GRID2: variants seen among roughly 807,000 people sequenced by gnomAD.
GRID2 encodes the protein glutamate ionotropic receptor delta type subunit 2.
A neutral mutation model predicts 114.8 loss-of-function variants in GRID2; 33 were observed. The observed-to-expected ratio is 0.29, with a 90% CI of 0.22 to 0.38. GRID2 has a LOEUF of 0.38. Ranked by LOEUF, GRID2 falls within the 10% of genes least tolerant of loss-of-function variation. GRID2 has a pLI of 1.00. For synonymous variants in GRID2, 505 were observed against 449.9 expected (o/e 1.12, Z -1.55); for missense variants, 1,184 against 1,257.7 (o/e 0.94, Z 0.89).
intron 8 of GRID2, among the ~76,000 whole-genome samples, chr4:93,333,360 C>G (rs769493608): frequency 5.3e-5 from 8 of 152,118 alleles, no homozygotes; most frequent in Admixed American, 1.3e-4. Context: ...TTAACAAGTT[C>G]CAAAGGATTT....
intron 4 of GRID2, among the ~76,000 whole-genome samples, chr4:93,172,912 T>G (rs1425024484): frequency 6.8e-6 from 1 of 146,286 alleles, no homozygotes; most frequent in African/African-American, 2.5e-5. Context: ...CATCTTAAAC[T>G]TTTTTTTTTT....
chr4:92,731,600 G>GTATAGTATAGTATTACTA (rs1736331256), intron 2 of GRID2, among the ~76,000 whole-genome samples: 1 of 151,826 alleles, frequency 6.6e-6, no homozygotes, highest in Non-Finnish European at 1.5e-5. Flanking sequence ...TTTGGTGTTA[G>GTATAGTATAGTATTACTA]CCTAAGTAGT....
At chr4:92,356,333 T>C (rs1201152222) in intron 1 of GRID2, among the ~76,000 whole-genome samples, 1 of 151,492 alleles carries the variant, frequency 6.6e-6, no homozygotes, top group Non-Finnish European at 1.5e-5. Context: ...CTATTTTAAG[T>C]GCAAAACAAA....
chr4:93,726,034 G>C (rs1729850236), intron 14 of GRID2, among the ~76,000 whole-genome samples: 1 of 152,154 alleles, frequency 6.6e-6, no homozygotes, highest in Admixed American at 6.5e-5. Context: ...ATTGCTTTTG[G>C]TGTTTTAGAT....
At chr4:92,719,554 G>C (rs140698120) in intron 2 of GRID2, among the ~76,000 whole-genome samples, 8 of 152,122 alleles carry the variant, frequency 5.3e-5, no homozygotes, top group African/African-American at 1.9e-4. Context: ...AATTTCAAAA[G>C]AACAGAAAGT....
At chr4:93,073,726 G>T (rs115604190) in intron 2 of GRID2, among the ~76,000 whole-genome samples, 1 of 152,144 alleles carries the variant, frequency 6.6e-6, no homozygotes, top group Non-Finnish European at 1.5e-5. Flanking sequence ...AGACTCCTGG[G>T]AGCTGGTCAG....
intron 13 of GRID2, among the ~76,000 whole-genome samples, chr4:93,573,206 A>G (rs2149583101): frequency 6.6e-6 from 1 of 152,304 alleles, no homozygotes; most frequent in South Asian, 2.1e-4. Context: ...GACTTTGCAC[A>G]TATCCCATTA....
intron 2 of GRID2, among the ~76,000 whole-genome samples, chr4:92,778,092 C>T (rs774188035): frequency 6.6e-6 from 1 of 152,112 alleles, no homozygotes; most frequent in Non-Finnish European, 1.5e-5. Context: ...AAGCAGAGGA[C>T]TGCCCTACAT....
intron 14 of GRID2, among the ~76,000 whole-genome samples, chr4:93,656,851 AAAAAAAC>A (rs1241322802): frequency 2.0e-5 from 3 of 148,218 alleles, no homozygotes; most frequent in Non-Finnish European, 3.0e-5. Flanking sequence ...AAAAAAAAAA[AAAAAAAC>A]AAATAATTCC....
At chr4:93,491,421 A>G (rs970191631) in intron 12 of GRID2, among the ~76,000 whole-genome samples, 2 of 151,962 alleles carry the variant, frequency 1.3e-5, no homozygotes, top group East Asian at 3.9e-4. Context: ...CAGTGTCTCA[A>G]TTCACAAATG....
intron 8 of GRID2, among the ~76,000 whole-genome samples, chr4:93,358,679 A>C (rs1030775723): frequency 1.3e-5 from 2 of 152,090 alleles, no homozygotes; most frequent in African/African-American, 4.8e-5. Flanking sequence ...AGATTGGATT[A>C]CATTGTACCA....
intron 7 of GRID2, among the ~76,000 whole-genome samples, chr4:93,225,673 A>G (rs778267693): frequency 2.0e-4 from 31 of 152,214 alleles, no homozygotes; most frequent in Middle Eastern, 3.2e-3. Context: ...TAAAACTTTA[A>G]TATTAGAAGT....
At chr4:92,524,094 A>G (rs976466298) in intron 1 of GRID2, among the ~76,000 whole-genome samples, 16 of 152,112 alleles carry the variant, frequency 1.1e-4, no homozygotes, top group Admixed American at 3.9e-4. Flanking sequence ...GTCAAGGAAA[A>G]CTATGTTTTT....
chr4:92,672,588 A>T (rs1406536415), intron 2 of GRID2, among the ~76,000 whole-genome samples: 2 of 152,108 alleles, frequency 1.3e-5, no homozygotes, highest in Non-Finnish European at 2.9e-5. Context: ...GTGTTTGCTC[A>T]GTCCATTTAT....
At chr4:93,719,303 T>C (rs1729160355) in intron 14 of GRID2, among the ~76,000 whole-genome samples, 1 of 152,122 alleles carries the variant, frequency 6.6e-6, no homozygotes, top group African/African-American at 2.4e-5. Context: ...TACAAACTTA[T>C]GTAGATTAAG....
intron 3 of GRID2, among the ~76,000 whole-genome samples, chr4:93,095,489 A>G (rs987246046): frequency 6.6e-6 from 1 of 152,136 alleles, no homozygotes; most frequent in Non-Finnish European, 1.5e-5. Context: ...AATAAAACAC[A>G]AAGAATTTGA....
intron 1 of GRID2, among the ~76,000 whole-genome samples, chr4:92,522,431 G>C (rs1724834591): frequency 6.6e-6 from 1 of 151,940 alleles, no homozygotes; most frequent in Non-Finnish European, 1.5e-5. Flanking sequence ...AATCACTGGA[G>C]GGTTTTTCAG....
intron 2 of GRID2, among the ~76,000 whole-genome samples, chr4:92,886,637 A>AT (rs1161893172): frequency 6.6e-6 from 1 of 151,608 alleles, no homozygotes; most frequent in Non-Finnish European, 1.5e-5. Context: ...ATTTGTATTT[A>AT]TTTTTTGAGA....
intron 1 of GRID2, among the ~76,000 whole-genome samples, chr4:92,452,625 C>T (rs1420704053): frequency 6.6e-6 from 1 of 151,734 alleles, no homozygotes; most frequent in African/African-American, 2.4e-5. Context: ...GGTGCCCGGC[C>T]CTCTTTAGGT....
Sources: allele counts gnomAD v4.1 joint callset (sites outside exome capture counted in the v4.1 genomes callset), GRCh38; gene constraint gnomAD v4.1.1; transcripts MANE v1.5; gene names NCBI Gene and HGNC (gene_info 2026-07-23, HGNC 2026-07-21).